Variants in TFEC observed in about 807,000 individuals in gnomAD.
TFEC encodes the protein class E basic helix-loop-helix protein 34.
TFEC carries 31 observed loss-of-function variants against 41.6 expected under a neutral mutation model. That is an observed-to-expected ratio of 0.74 (90% CI 0.56 to 1.01). The LOEUF (loss-of-function observed/expected upper bound fraction) is 1.01. TFEC is among the 50% of genes least tolerant of loss of function. The pLI is 0.00. For missense variants in TFEC, 402 were observed against 404.1 expected, an observed-to-expected ratio of 0.99 and a Z score of 0.04; for synonymous variants, 143 against 140.6, an observed-to-expected ratio of 1.02 and a Z score of -0.12.
intron 1 of TFEC, among the ~76,000 whole-genome samples, chr7:116,020,662 G>C (rs1467477875): frequency 6.6e-6 from 1 of 152,058 alleles, no homozygotes; most frequent in Non-Finnish European, 1.5e-5. Context: ...AATACGTAAA[G>C]TGACTCTAAG....
chr7:115,970,594 A>T (rs1043453926), intron 3 of TFEC, among the ~76,000 whole-genome samples: 4 of 152,016 alleles, frequency 2.6e-5, no homozygotes, highest in Admixed American at 2.6e-4. Context: ...TTTATAATAC[A>T]GTAGATCAGC....
rs565292340 is a variant in TFEC at position 116,038,823 on chromosome 7, T to G, written c.199-54310A>C. 9.2e-5 allele frequency among the ~76,000 whole-genome samples: 14 copies of G among 152,204 alleles called. No homozygotes were observed. The South Asian group carries it at 2.9e-3, about 32-fold the overall frequency. On this transcript the variant is annotated intron_variant, in intron 3 of 8. Coordinates refer to the TFEC transcript ENST00000484212. The stretch of plus-strand genomic sequence containing the variant: ...CAAACAACTCCATATAAACATATAG[T>G]GTTAAAAACAAAATGTTACTTCATT...
At chr7:116,078,715 C>T (rs1797018542) in intron 3 of TFEC, among the ~76,000 whole-genome samples, 1 of 151,910 alleles carries the variant, frequency 6.6e-6, no homozygotes, top group Non-Finnish European at 1.5e-5. Context: ...TACAAATAGT[C>T]CAGGACCAGA....
intron 1 of TFEC, among the ~76,000 whole-genome samples, chr7:116,003,659 C>G (rs574766166): frequency 6.6e-6 from 1 of 152,140 alleles, no homozygotes; most frequent in African/African-American, 2.4e-5. Context: ...ATATAATAGA[C>G]TATTTACCAC....
chr7:116,151,467 T>G (rs1798759119), intron 1 of TFEC, among the ~76,000 whole-genome samples: 1 of 152,130 alleles, frequency 6.6e-6, no homozygotes, highest in Admixed American at 6.5e-5. Context: ...GGTCTTGAAC[T>G]CTTGTCCTCA....
chr7:116,027,630 T>G (rs1554405903), intron 1 of TFEC, among the ~76,000 whole-genome samples: 1 of 151,936 alleles, frequency 6.6e-6, no homozygotes, highest in Non-Finnish European at 1.5e-5. Flanking sequence ...GCTCACATTC[T>G]TACTTGGGTG....
chr7:116,026,336 T>C (rs1240981546), intron 1 of TFEC, among the ~76,000 whole-genome samples: 1 of 152,224 alleles, frequency 6.6e-6, no homozygotes, highest in Non-Finnish European at 1.5e-5. Flanking sequence ...CATCTTCTCT[T>C]TGAACCCTTT....
chr7:115,956,214 G>A (rs1165063793), intron 4 of TFEC, among the ~76,000 whole-genome samples: 2 of 151,660 alleles, frequency 1.3e-5, no homozygotes, highest in Non-Finnish European at 2.9e-5. Context: ...TTAAATGTGA[G>A]TCTATCATGA....
intron 1 of TFEC, among the ~76,000 whole-genome samples, chr7:116,023,968 G>T (rs113677588): frequency 3.3e-5 from 5 of 152,202 alleles, no homozygotes; most frequent in African/African-American, 1.2e-4. Flanking sequence ...TTTTAGTGGA[G>T]ACCTGGCCTC....
At chr7:115,954,929 T>A (rs1461964173) in intron 4 of TFEC, among the ~76,000 whole-genome samples, 1 of 152,054 alleles carries the variant, frequency 6.6e-6, no homozygotes, top group East Asian at 1.9e-4. Flanking sequence ...AGGCTCTTCA[T>A]CTGTAAAATG....
At chr7:116,139,789 C>T (rs1323693860) in intron 1 of TFEC, among the ~76,000 whole-genome samples, 3 of 151,992 alleles carry the variant, frequency 2.0e-5, no homozygotes, top group African/African-American at 7.2e-5. Context: ...AGAAGGTAGG[C>T]AAAAGGAGAG....
intron 3 of TFEC, among the ~76,000 whole-genome samples, chr7:115,960,739 T>C (rs1192516038): frequency 6.6e-6 from 1 of 151,430 alleles, no homozygotes; most frequent in East Asian, 1.9e-4. Context: ...ACAGATAAAG[T>C]AAGAAAACAG....
chr7:116,134,541 C>T (rs945712490), intron 1 of TFEC, among the ~76,000 whole-genome samples: 2 of 151,944 alleles, frequency 1.3e-5, no homozygotes, highest in Non-Finnish European at 2.9e-5. Flanking sequence ...TTATTCACTT[C>T]TTTTTATTAC....
chr7:116,098,922 GGA>G (rs1392041197), intron 3 of TFEC, among the ~76,000 whole-genome samples: 1 of 139,320 alleles, frequency 7.2e-6, no homozygotes, highest in Non-Finnish European at 1.6e-5. Context: ...AAGGAAGGAA[GGA>G]AAAGAAAATT....
intron 2 of TFEC, 91 bp downstream of exon 2, chr7:115,984,171 A>T: frequency 6.8e-7 from 1 of 1,473,214 alleles, no homozygotes; most frequent in Non-Finnish European, 9.2e-7. Context: ...TGCAATCAGA[A>T]TGTTTACTGT....
intron 1 of TFEC, among the ~76,000 whole-genome samples, chr7:116,139,327 A>T (rs771705652): frequency 6.6e-6 from 1 of 152,182 alleles, no homozygotes; most frequent in Non-Finnish European, 1.5e-5. Context: ...GTCTAACCAG[A>T]GTTGACAGCC....
At chr7:116,088,256 T>G (rs760860439) in intron 3 of TFEC, among the ~76,000 whole-genome samples, 6 of 152,148 alleles carry the variant, frequency 3.9e-5, no homozygotes, top group Non-Finnish European at 7.4e-5. Flanking sequence ...ACTATAGAAC[T>G]CTGTGCTGAC....
chr7:115,994,897 C>T (rs1370803218), intron 1 of TFEC, among the ~76,000 whole-genome samples: 6 of 152,054 alleles, frequency 3.9e-5, no homozygotes, highest in Non-Finnish European at 7.4e-5. Flanking sequence ...CACATGCACA[C>T]GTATGTTTAT....
chr7:115,984,256 A>T lies in TFEC; in HGVS notation c.180+6T>A, dbSNP rs1174079442. ...ATATATTTTTATAACCAGCCATTAG[A>T]CATACATGCCATTGTGCATTGTCAT... is the stretch of plus-strand genomic sequence containing the variant. On this transcript the variant is annotated splice_donor_region_variant and intron_variant, in intron 2 of 7. Transcript: ENST00000265440. 1.3e-5 allele frequency: 21 copies of T among 1,611,236 alleles called. No individual in the cohort carries two copies. The highest frequency in any genetic ancestry group is 1.8e-5 in the Non-Finnish European group (21 of 1,177,572).
Sources: gnomAD v4.1 joint callset for allele counts (sites outside exome capture counted in the v4.1 genomes callset) on GRCh38, gnomAD v4.1.1 for gene constraint, MANE v1.5 for transcripts, NCBI Gene and HGNC (gene_info 2026-07-23, HGNC 2026-07-21) for gene names.